The following EPS8 variants were observed in gnomAD, a reference collection of about 807,000 sequenced individuals.
The protein encoded by EPS8 is EGFR pathway substrate 8, signaling adaptor.
EPS8 carries 42 observed loss-of-function variants against 103.8 expected under a neutral mutation model. The observed-to-expected ratio is 0.40, with a 90% CI of 0.32 to 0.52. EPS8 has a LOEUF of 0.52. Among genes scored for constraint, EPS8 ranks in the 20% least tolerant of loss-of-function variants. The probability of loss-of-function intolerance (pLI) is 0.40; values close to 1 mark genes in which losing one functional copy is unlikely to be tolerated. For missense variants in EPS8, 969 were observed against 1,005.1 expected (o/e 0.96, Z 0.49); for synonymous variants, 344 against 344.6 (o/e 1.00, Z 0.02).
In EPS8 at chr12:15,736,498, C is replaced by T. The variant is rs938085225; in HGVS notation, c.-22+52663G>A. 3.9e-5 allele frequency among the ~76,000 whole-genome samples: 6 copies of T among 152,136 alleles called. No individual in the cohort carries two copies. The highest frequency in any genetic ancestry group is 5.9e-5 in the Non-Finnish European group (4 of 68,020). On this transcript the variant is annotated intron_variant, in intron 1 of 20. Transcript: ENST00000281172. The surrounding 1 kb of genome is among the most constrained non-coding windows in gnomAD (Gnocchi z 4.2). ...TATGGCTAGCTAAATAGATGTCACA[C>T]CCTCTATCTATGTGCTGAACTTCTG...
At chr12:15,681,806 T>C (rs1158220135) in intron 2 of EPS8, among the ~76,000 whole-genome samples, 1 of 151,254 alleles carries the variant, frequency 6.6e-6, no homozygotes, top group Non-Finnish European at 1.5e-5. Context: ...CAGGAGGCTA[T>C]CTAACCTCTT....
chr12:15,646,516 A>G (rs955891092), intron 15 of EPS8, among the ~76,000 whole-genome samples: 109 of 152,310 alleles, frequency 7.2e-4, no homozygotes, highest in Non-Finnish European at 8.4e-4. Flanking sequence ...AAATTAAAAA[A>G]AAAGAACTTA....
chr12:15,662,585 A>C, intron 8 of EPS8: 1 of 985,984 alleles, frequency 1.0e-6, no homozygotes, highest in Non-Finnish European at 1.2e-6. Flanking sequence ...AGTGTAATTA[A>C]GCTTAAAACC....
At chr12:15,660,277 CTTTTT>C (rs758054887) in intron 10 of EPS8, among the ~76,000 whole-genome samples, 1 of 141,242 alleles carries the variant, frequency 7.1e-6, no homozygotes, top group Non-Finnish European at 1.6e-5. Flanking sequence ...TACCAGAGTT[CTTTTT>C]TTTTTTTTTT....
chr12:15,678,430 C>A (rs761708205), intron 3 of EPS8, among the ~76,000 whole-genome samples: 1 of 152,162 alleles, frequency 6.6e-6, no homozygotes, highest in Non-Finnish European at 1.5e-5. Context: ...TAAGACTTCT[C>A]TCTTCCCTAT....
At chr12:15,774,845 A>T (rs1358505450) in intron 1 of EPS8, among the ~76,000 whole-genome samples, 1 of 151,848 alleles carries the variant, frequency 6.6e-6, no homozygotes, top group Non-Finnish European at 1.5e-5. Context: ...TGTGCACAGA[A>T]ATCTTTTTTT....
rs576914860 is a variant in EPS8 at position 15,753,129 on chromosome 12, C to T, written c.-22+36032G>A. ...AGCAGGAAGACATGCACCACCCCTA[C>T]CACCCCTGTCCCCTGCAACATGCCA... is the stretch of plus-strand genomic sequence containing the variant. On this transcript the variant is annotated intron_variant, in intron 1 of 20. Transcript: ENST00000281172. Among the ~76,000 whole-genome samples the T allele has an allele frequency of 3.3e-5, 5 of 152,088 alleles. No homozygotes were observed. In the East Asian group the frequency reaches 9.7e-4, roughly 29 times the overall value.
At chr12:15,656,583 T>C (rs1945511608) in intron 12 of EPS8, among the ~76,000 whole-genome samples, 3 of 152,168 alleles carry the variant, frequency 2.0e-5, no homozygotes, top group South Asian at 4.1e-4. Context: ...ATGAGATTTA[T>C]CCTCCCTTAC....
At chr12:15,647,385 T>C in intron 14 of EPS8, 125 bp from the exon 15 acceptor site, 1 of 774,754 alleles carries the variant, frequency 1.3e-6, no homozygotes, top group Non-Finnish European at 2.0e-6. Context: ...CTGACCATTA[T>C]GTTAACACAT....
Position 15,624,063 on chromosome 12 carries a change from C to G in EPS8, c.2225+164G>C, listed in dbSNP as rs1308470378. Among the ~76,000 whole-genome samples, 11 of 152,150 alleles carry G rather than the reference C, an allele frequency of 7.2e-5. No individual in the cohort carries two copies. The East Asian group carries it at 2.1e-3, about 29-fold the overall frequency. On this transcript the variant is annotated intron_variant, in intron 19 of 20. Transcript: ENST00000281172. ...ATAATTATTTATGCTTATTTTAGTT[C>G]TTTTTCAGCTATGAACAGCTATAGT...
chr12:15,746,927 C>T (rs1272929729), intron 1 of EPS8, among the ~76,000 whole-genome samples: 1 of 152,128 alleles, frequency 6.6e-6, no homozygotes, highest in Non-Finnish European at 1.5e-5. Flanking sequence ...ACTAGTTCTT[C>T]TTATAAAATG....
intron 20 of EPS8, among the ~76,000 whole-genome samples, chr12:15,622,368 G>T (rs900195000): frequency 6.6e-6 from 1 of 152,114 alleles, no homozygotes; most frequent in Non-Finnish European, 1.5e-5. Context: ...TGGCTACGGG[G>T]TGATACGCAT....
intron 1 of EPS8, among the ~76,000 whole-genome samples, chr12:15,686,496 T>A (rs951274470): frequency 6.6e-6 from 1 of 152,164 alleles, no homozygotes; most frequent in African/African-American, 2.4e-5. Context: ...TATAATTTTA[T>A]CTTTATTTTC....
At chr12:15,638,670 C>CAA (rs756925691) in intron 17 of EPS8, among the ~76,000 whole-genome samples, 17 of 152,162 alleles carry the variant, frequency 1.1e-4, no homozygotes, top group Non-Finnish European at 1.8e-4. Context: ...CATAAAGTAG[C>CAA]AAAACAAACT....
At position 15,757,176 on chromosome 12, in the gene EPS8, T is replaced by C. The variant is rs973573949; in HGVS notation, c.-22+31985A>G. Among the ~76,000 whole-genome samples, 3 of 152,190 alleles carry C rather than the reference T, an allele frequency of 2.0e-5. No homozygotes were observed. Among genetic ancestry groups the C allele is most frequent in the African/African-American group, 7.2e-5 (3 of 41,452 alleles). ...CAAGCTACAAAATGGAGAGACTGAA[T>C]AAAATGATTTCTAAAATTGTTACCA... On this transcript the variant is annotated intron_variant, in intron 1 of 20. Coordinates refer to ENST00000281172, the MANE Select transcript of EPS8 (RefSeq NM_004447.6). The surrounding 1 kb of genome is among the most constrained non-coding windows in gnomAD (Gnocchi z 4.1).
intron 1 of EPS8, among the ~76,000 whole-genome samples, chr12:15,770,817 C>G (rs925424136): frequency 2.6e-5 from 4 of 151,856 alleles, no homozygotes; most frequent in Non-Finnish European, 5.9e-5. Flanking sequence ...GTATTTTTTT[C>G]CTTTTCATAT....
At chr12:15,707,507 T>C (rs907858533) in intron 1 of EPS8, among the ~76,000 whole-genome samples, 17 of 151,124 alleles carry the variant, frequency 1.1e-4, no homozygotes, top group Admixed American at 8.6e-4. Flanking sequence ...CAAACACTAA[T>C]CAAGTACTTG....
At chr12:15,655,273 G>A (rs4763428) in intron 12 of EPS8, among the ~76,000 whole-genome samples, 2 of 152,186 alleles carry the variant, frequency 1.3e-5, no homozygotes, top group African/African-American at 2.4e-5. Context: ...CCACTCCCCA[G>A]CCTGCGTCCT....
chr12:15,741,647 G>A (rs1946824195), intron 1 of EPS8, among the ~76,000 whole-genome samples: 1 of 152,128 alleles, frequency 6.6e-6, no homozygotes, highest in Admixed American at 6.5e-5. Flanking sequence ...AGTCCACTGG[G>A]AAACTATTAG....
Sources: gnomAD v4.1 joint callset for allele counts (sites outside exome capture counted in the v4.1 genomes callset) on GRCh38, gnomAD v4.1.1 for gene constraint, Gnocchi (gnomAD v3.1) non-coding constraint, MANE v1.5 for transcripts, NCBI Gene and HGNC (gene_info 2026-07-23, HGNC 2026-07-21) for gene names.